The following NXF3 variants were observed in gnomAD, a reference collection of about 807,000 sequenced individuals.
NXF3 encodes nuclear RNA export factor 3.
Under a neutral mutation model 48.4 loss-of-function variants are expected in NXF3, and 34 were observed. The ratio of observed to expected loss-of-function variants is 0.70; its 90% CI spans 0.53 to 0.93. The LOEUF (loss-of-function observed/expected upper bound fraction) is 0.93, where lower values mean the gene tolerates loss of function less well. Ranked by LOEUF, NXF3 falls within the 40% of genes least tolerant of loss-of-function variation. The probability of loss-of-function intolerance (pLI) is 0.00; values close to 1 mark genes in which losing one functional copy is unlikely to be tolerated. For synonymous variants in NXF3, 132 were observed against 145.7 expected, an observed-to-expected ratio of 0.91 and a Z score of 0.68; for missense variants, 359 against 406.1, an observed-to-expected ratio of 0.88 and a Z score of 1.00.
intron 1 of NXF3, 88 bp from the exon 2 acceptor site, chrX:103,084,971 T>C (rs1922110277): frequency 1.0e-5 from 9 of 885,903 alleles, no homozygotes; most frequent in Non-Finnish European, 1.5e-5. Flanking sequence ...TTCACTGATA[T>C]TTATTTATTT....
intron 1 of NXF3, chrX:103,089,358 A>C (rs1922224968): frequency 6.0e-6 from 2 of 335,649 alleles, no homozygotes; most frequent in Non-Finnish European, 1.0e-5. Context: ...CGTTTTTATC[A>C]AGAGGCCTGC....
chrX:103,080,108 C>T (rs201760441), intron 11 of NXF3, 40 bp from the exon 12 acceptor site: 3 of 1,208,195 alleles, frequency 2.5e-6, no homozygotes, highest in African/African-American at 3.5e-5. Flanking sequence ...TGGTACCCCC[C>T]CTTCCTCATG....
chrX:103,090,350 G>A (rs1922244954), intron 1 of NXF3, among the ~76,000 whole-genome samples: 1 of 111,583 alleles, frequency 9.0e-6, no homozygotes, highest in African/African-American at 3.3e-5. Context: ...GATTAGTAAG[G>A]TAGTCATTCC....
chrX:103,091,774 A>G (rs1354545950), intron 1 of NXF3, among the ~76,000 whole-genome samples: 10 of 110,416 alleles, frequency 9.1e-5, no homozygotes, highest in Non-Finnish European at 1.7e-4. Context: ...TCACGAGGTC[A>G]GGAGATCGAG....
rs1054028591 is a variant in NXF3, at chrX:103,075,832, A to G, written c.*218T>C. Reference sequence around the variant, plus strand: ...GGATTTTGCAGGGATTTGACATAACAAGACACCATACTTTATTGTGAAAAG... The same window carrying G: ...GGATTTTGCAGGGATTTGACATAACGAGACACCATACTTTATTGTGAAAAG... On this transcript the variant is annotated 3_prime_UTR_variant, in exon 20 of 20. Coordinates refer to ENST00000395065, the MANE Select transcript of NXF3 (RefSeq NM_022052.2). 8.0e-6 allele frequency: 1 copy of G among 125,541 alleles called. No individual in the cohort carries two copies. Among genetic ancestry groups the G allele is most frequent in the Non-Finnish European group, 1.6e-5 (1 of 62,374 alleles). The allele number at this position is 125,541 out of a possible 1,213,427, so 10.3% of individuals were successfully genotyped here.
rs916218 is a variant in NXF3, at chrX:103,082,388, G to T, written c.781-24C>A. The T allele has an allele frequency of 1.1e-5, 12 of 1,074,920 alleles. No homozygotes were observed. In the East Asian group the frequency reaches 3.0e-4, roughly 27 times the overall value. The allele number at this position is 1,074,920 out of a possible 1,213,427, so 88.6% of individuals were successfully genotyped here. A position where few individuals can be genotyped will look rare whatever the true frequency, so the allele number is the denominator to read the frequency against. On this transcript the variant is annotated intron_variant, in intron 8 of 19. Transcript: ENST00000395065. ...ACCTGCAATTATGCAGAAGAACCAC[G>T]TAGACCCAGGAAAGAGCAGCTGGAG...
chrX:103,076,374 C>T lies in NXF3; in HGVS notation c.1585-73G>A, dbSNP rs1921871160. ...ACACTCTGACAATACAATGCCATTT[C>T]TTAATCTATGCAACAGAAACATGTC... On this transcript the variant is annotated intron_variant, in intron 18 of 19. Transcript: ENST00000395065. 6 of 1,051,328 alleles carry T rather than the reference C, an allele frequency of 5.7e-6. No individual in the cohort carries two copies. The Admixed American group carries it at 1.3e-4, about 23-fold the overall frequency. 86.6% of individuals were successfully genotyped at this position (1,051,328 alleles called of 1,213,427 possible). A position where few individuals can be genotyped will look rare whatever the true frequency, so the allele number is the denominator to read the frequency against.
rs201477119 is a variant in NXF3, at chrX:103,082,284, C to T, written c.861G>A (p.Thr287=). 27 of 1,205,929 alleles carry T rather than the reference C, an allele frequency of 2.2e-5. No individual in the cohort carries two copies. The highest frequency in any genetic ancestry group is 2.7e-5 in the Non-Finnish European group (24 of 892,096). The change falls in exon 9 of 20, where the codon ACG becomes ACA. Residue 287 remains threonine (T), a synonymous_variant. Coordinates refer to ENST00000395065, the MANE Select transcript of NXF3 (RefSeq NM_022052.2). ...TGTTGCTGGAGGTATCCGAGAAGGT[C>T]GTGCACACTGGGCTTCTGTCCGCAC... ...EKCADRSPVC[T]TFSDTSSNIN...
chrX:103,091,426 T>C (rs1207885033), intron 1 of NXF3, among the ~76,000 whole-genome samples: 2 of 112,038 alleles, frequency 1.8e-5, no homozygotes, highest in African/African-American at 3.2e-5. Context: ...AAATACAATA[T>C]AACTGTTATT....
rs769829353 is a variant in NXF3, at chrX:103,079,792, G to A, written c.1131C>T (p.Ser377=). ...CTGAGTCCTCAGGATTGAAGGGAAT[G>A]CTCAGGGAGAAGCAGGCCTCATCGT... ...AYHDEACFSL[S]IPFNPEDSAP... Residue 377 remains serine, a synonymous_variant, in exon 13 of 20, where the codon AGC becomes AGT. Coordinates refer to ENST00000395065, the MANE Select transcript of NXF3 (RefSeq NM_022052.2). 2 of 1,211,011 alleles carry A rather than the reference G, an allele frequency of 1.7e-6. No homozygotes were observed. The highest frequency in any genetic ancestry group is 3.5e-5 in the South Asian group (2 of 56,948).
At position 103,079,399 on chromosome X, in the gene NXF3, T is replaced by C; in HGVS notation, c.1295A>G (p.His432Arg). Reference protein sequence around the residue: ...DSLSALPKTQHDLSSFLVDMW... With the variant: ...DSLSALPKTQRDLSSFLVDMW... The stretch of plus-strand genomic sequence containing the variant: ...GTCCACCAGGAAGGAGCTGAGGTCA[T>C]GCTGAGTTTTAGGCAACGCACTGAG... The change falls in exon 15 of 20, where the codon CAT becomes CGT. Residue 432 changes from histidine (H) to arginine (R), a missense_variant. Coordinates refer to ENST00000395065, the MANE Select transcript of NXF3 (RefSeq NM_022052.2). 8.3e-7 allele frequency: 1 copy of C among 1,211,594 alleles called. No individual in the cohort carries two copies. Among genetic ancestry groups the C allele is most frequent in the Non-Finnish European group, 1.1e-6 (1 of 895,384 alleles).
chrX:103,088,634 G>A, intron 1 of NXF3: 1 of 950,938 alleles, frequency 1.1e-6, no homozygotes, highest in Non-Finnish European at 1.5e-6. Context: ...ATGTCTCTGT[G>A]ACAAATGTGA....
chrX:103,076,255 G>A lies in NXF3; in HGVS notation c.*35C>T, dbSNP rs1022258807. ...CTAGACCTCACCTTGGGCCATGCAA[G>A]AACATGAGGAGCTCTGACGTAGTCA... On this transcript the variant is annotated 3_prime_UTR_variant, in exon 19 of 20. Coordinates refer to ENST00000395065, the MANE Select transcript of NXF3 (RefSeq NM_022052.2). 3 of 1,205,238 alleles carry A rather than the reference G, an allele frequency of 2.5e-6. No individual in the cohort carries two copies. The highest frequency in any genetic ancestry group is 3.4e-6 in the Non-Finnish European group (3 of 891,112).
At position 103,077,469 on chromosome X, in the gene NXF3, G is replaced by GTC. The variant is rs774212033; in HGVS notation, c.1584+143_1584+144dup. ...GGGTTTCACCGTGTTAGCCAGGATG[G>GTC]TCTCAATCTCCTGACCTCGTGATTC... On this transcript the variant is annotated intron_variant, in intron 18 of 19. Transcript: ENST00000395065. 1.5e-4 allele frequency: 90 copies of GTC among 587,341 alleles called. No individual in the cohort carries two copies. The African/African-American group carries it at 1.6e-3, about 11-fold the overall frequency. 48.4% of individuals were successfully genotyped at this position (587,341 alleles called of 1,213,427 possible).
chrX:103,076,705 A>G (rs368633722), intron 18 of NXF3, among the ~76,000 whole-genome samples: 33 of 110,520 alleles, frequency 3.0e-4, no homozygotes, highest in African/African-American at 1.0e-3. Flanking sequence ...TCACCATGAC[A>G]ATGTAAATTG....
At chrX:103,088,059 T>C (rs1922195885) in intron 1 of NXF3, 2 of 893,918 alleles carry the variant, frequency 2.2e-6, no homozygotes, top group Non-Finnish European at 3.2e-6. Flanking sequence ...ACTCAATTTA[T>C]ATTGTCCCTT....
intron 18 of NXF3, among the ~76,000 whole-genome samples, chrX:103,076,972 C>G (rs187583522): frequency 1.8e-5 from 2 of 110,868 alleles, no homozygotes; most frequent in Non-Finnish European, 3.8e-5. Context: ...ACCTGTCTCC[C>G]GGGCACATGT....
At chrX:103,083,931 A>C (rs762441227) in intron 3 of NXF3, among the ~76,000 whole-genome samples, 1 of 111,710 alleles carries the variant, frequency 9.0e-6, no homozygotes, top group East Asian at 2.8e-4. Flanking sequence ...GTTTTCTTAA[A>C]ATAATCAATT....
At chrX:103,078,262 A>T (rs1921919354) in intron 17 of NXF3, among the ~76,000 whole-genome samples, 2 of 111,587 alleles carry the variant, frequency 1.8e-5, no homozygotes, top group Non-Finnish European at 1.9e-5. Context: ...GAATGGCAGG[A>T]TGATAGATGC....
Sources: allele counts gnomAD v4.1 joint callset (sites outside exome capture counted in the v4.1 genomes callset), GRCh38; gene constraint gnomAD v4.1.1; transcripts MANE v1.5; gene names NCBI Gene and HGNC (gene_info 2026-07-23, HGNC 2026-07-21).